The following COL12A1 variants were observed in gnomAD, a reference collection of about 807,000 sequenced individuals.
COL12A1 encodes the protein collagen alpha-1(XII) chain.
In COL12A1, 114 loss-of-function variants were observed where a neutral mutation model predicts 349.7. That is an observed-to-expected ratio of 0.33 (90% confidence interval 0.28 to 0.38). COL12A1 has a LOEUF of 0.38. COL12A1 is among the 10% of genes least tolerant of loss of function. COL12A1 has a pLI of 1.00. For synonymous variants in COL12A1, 1,369 were observed against 1,329.0 expected, an observed-to-expected ratio of 1.03 and a Z score of -0.66; for missense variants, 3,284 against 3,756.9, an observed-to-expected ratio of 0.87 and a Z score of 3.29.
At position 75,177,769 on chromosome 6, in the gene COL12A1, TCTC is replaced by T. The variant is rs775970450; in HGVS notation, c.2328_2330del (p.Arg777del). The T allele has an allele frequency of 3.7e-6, 6 of 1,613,958 alleles. No individual in the cohort carries two copies. The African/African-American group carries it at 6.7e-5, about 18-fold the overall frequency. On this transcript the variant is annotated inframe_deletion, in exon 12 of 66. Transcript: ENST00000322507. ...TGTCTGGAATCAAGTTCTCCAGTGT[TCTC>T]CTCCTCTGATTGGGTGGGGTGGTAA...
Position 75,089,112 on chromosome 6 carries a change from G to A in COL12A1, c.9004C>T (p.Pro3002Ser). Reference sequence around the variant, plus strand: ...AAAATACTAGCAAACCTACCTGGGGGGCCAGGCAGCCCCCGAGGTCCTGAA... The same window carrying A: ...AAAATACTAGCAAACCTACCTGGGGAGCCAGGCAGCCCCCGAGGTCCTGAA... ...GSSGPRGLPG[P>S]PGPQGESRTG... The change falls in exon 64 of 66, where the codon CCC (proline) becomes TCC (serine). Residue 3002 changes from proline (P) to serine (S), a missense_variant. Physicochemically the swap from Pro to Ser is moderately conservative, Grantham distance 74. Transcript: ENST00000322507. 6.2e-7 allele frequency: 1 copy of A among 1,610,648 alleles called. No homozygotes were observed. Among genetic ancestry groups the A allele is most frequent in the Admixed American group, 1.7e-5 (1 of 59,306 alleles).
In COL12A1 at chr6:75,119,421, G is replaced by A. The variant is rs752457445; in HGVS notation, c.7139C>T (p.Thr2380Met). The A allele has an allele frequency of 8.7e-6, 14 of 1,613,888 alleles. No individual in the cohort carries two copies. The highest frequency in any genetic ancestry group is 3.3e-5 in the Admixed American group (2 of 59,990). The change falls in exon 45 of 66, where the codon ACG (threonine) becomes ATG (methionine). Residue 2380 changes from threonine to methionine, a missense_variant. Thr to Met is a moderately conservative substitution (Grantham distance 81). Transcript: ENST00000322507. Reference sequence around the variant, plus strand: ...AAGGGCTAGGGCCTTGTCATTGTACGTGTTCAGCTTGAACTCAGACTTGAC... The same window carrying A: ...AAGGGCTAGGGCCTTGTCATTGTACATGTTCAGCTTGAACTCAGACTTGAC... ...DEVKSEFKLN[T>M]YNDKALALGA...
In COL12A1 at chr6:75,131,008, G is replaced by T. The variant is rs150116769; in HGVS notation, c.5938-27C>A. 213 of 1,613,756 alleles carry T rather than the reference G, an allele frequency of 1.3e-4. 2 individuals are homozygous for T. The African/African-American group carries it at 2.1e-3, about 16-fold the overall frequency. On this transcript the variant is annotated intron_variant, in intron 35 of 65. Coordinates refer to ENST00000322507, the MANE Select transcript of COL12A1 (RefSeq NM_004370.6). ...TGCAGGAGAGGAAATGCCAAATTCT[G>T]CCTGACAACAACTCAAATGCTTACC...
At chr6:75,095,000 CA>C (rs1767938302) in intron 60 of COL12A1, 107 bp downstream of exon 60, 1 of 989,628 alleles carries the variant, frequency 1.0e-6, no homozygotes, top group African/African-American at 1.7e-5. Context: ...ACAAATGCTT[CA>C]AACACATTAC....
chr6:75,115,442 C>G (rs2149360805), intron 49 of COL12A1, among the ~76,000 whole-genome samples: 1 of 152,240 alleles, frequency 6.6e-6, no homozygotes, highest in African/African-American at 2.4e-5. Flanking sequence ...TGCACTTATT[C>G]CATCCAGTAT....
At chr6:75,101,964 T>C (rs763760989) in intron 57 of COL12A1, 35 bp downstream of exon 57, 1 of 1,606,782 alleles carries the variant, frequency 6.2e-7, no homozygotes, top group Non-Finnish European at 8.5e-7. Context: ...AATTTTCAAA[T>C]AGCACATGAC....
chr6:75,183,971 C>T lies in COL12A1; in HGVS notation c.1171G>A (p.Val391Ile). 1 of 1,614,204 alleles carries T rather than the reference C, an allele frequency of 6.2e-7. No homozygotes were observed. The part of the protein sequence containing the change: ...SVGPQTTTLS[V>I]RDLSADTEYQ... Reference sequence around the variant, plus strand: ...TCTGTGTCTGCTGAGAGGTCGCGAACACTGAGCGTGGTTGTCTGAGGCCCC... The same window carrying T: ...TCTGTGTCTGCTGAGAGGTCGCGAATACTGAGCGTGGTTGTCTGAGGCCCC... The change falls in exon 9 of 66, where the codon GTT becomes ATT. Residue 391 changes from valine to isoleucine, a missense_variant. Val to Ile is a conservative substitution (Grantham distance 29). Transcript: ENST00000322507.
intron 10 of COL12A1, among the ~76,000 whole-genome samples, chr6:75,182,460 T>C (rs1477969995): frequency 6.6e-6 from 1 of 151,832 alleles, no homozygotes; most frequent in Non-Finnish European, 1.5e-5. Flanking sequence ...GAACATGCAG[T>C]GTTTGGTTTT....
At chr6:75,111,759 A>G (rs933162122) in intron 51 of COL12A1, among the ~76,000 whole-genome samples, 12 of 151,752 alleles carry the variant, frequency 7.9e-5, no homozygotes, top group African/African-American at 2.2e-4. Context: ...GCACTTCACT[A>G]TGGAGGTCTG....
Position 75,095,063 on chromosome 6 carries a change from C to T in COL12A1, c.8649+45G>A, listed in dbSNP as rs745863185. ...GCTTTGCAGTTCTCATTATTTATTT[C>T]CACGGTGAAACCACTGTCAGTAGAC... On this transcript the variant is annotated intron_variant, in intron 60 of 65. Coordinates refer to ENST00000322507, the MANE Select transcript of COL12A1 (RefSeq NM_004370.6). 3 of 1,548,082 alleles carry T rather than the reference C, an allele frequency of 1.9e-6. No individual in the cohort carries two copies. In the South Asian group the frequency reaches 3.4e-5, roughly 17 times the overall value.
At position 75,183,217 on chromosome 6, in the gene COL12A1, C is replaced by A. The variant is rs1178026424; in HGVS notation, c.1724G>T (p.Gly575Val). 6.2e-7 allele frequency: 1 copy of A among 1,614,178 alleles called. No homozygotes were observed. Residue 575 changes from glycine (G) to valine (V), a missense_variant, in exon 10 of 66, where the codon GGT (glycine) becomes GTT (valine). Coordinates refer to ENST00000322507, the MANE Select transcript of COL12A1 (RefSeq NM_004370.6). ...TTCTGAGCGAACGGCATCCTTCACA[C>A]CAACTGCAAAGATTTCAACATCTGA... The part of the protein sequence containing the change: ...RNSDVEIFAV[G>V]VKDAVRSELE...
chr6:75,185,354 G>A lies in COL12A1; in HGVS notation c.998-1210C>T, dbSNP rs544093868. ...TCAAGCTGAGAGCTAAATCAGGAAC[G>A]AAATCCCATTCACAATGGGAGTTGT... On this transcript the variant is annotated intron_variant, in intron 8 of 65. Coordinates refer to ENST00000322507, the MANE Select transcript of COL12A1 (RefSeq NM_004370.6). Among the ~76,000 whole-genome samples the A allele has an allele frequency of 1.6e-4, 25 of 152,234 alleles. No individual in the cohort carries two copies. In the South Asian group the frequency reaches 3.9e-3, roughly 24 times the overall value.
chr6:75,197,592 A>G (rs1770299875), intron 2 of COL12A1, among the ~76,000 whole-genome samples: 1 of 152,142 alleles, frequency 6.6e-6, no homozygotes, highest in Admixed American at 6.6e-5. Flanking sequence ...GATTGTAGGA[A>G]TAAGCCACTG....
Position 75,137,596 on chromosome 6 carries a change from G to C in COL12A1, c.5252-17C>G. ...TTTTGGGAGCTGAAAGAAGATTGTT[G>C]AAAAACTGAGTAAGCAGACAGAACA... On this transcript the variant is annotated splice_polypyrimidine_tract_variant and intron_variant, in intron 30 of 65. Coordinates refer to ENST00000322507, the MANE Select transcript of COL12A1 (RefSeq NM_004370.6). 1 of 1,613,084 alleles carries C rather than the reference G, an allele frequency of 6.2e-7. No individual in the cohort carries two copies.
Position 75,102,596 on chromosome 6 carries a change from C to A in COL12A1, c.8415+1G>T. ...TTAATACAGAAAGGCTTTGTGCTTA[C>A]TTGCTCTCCCGGAATAGAGAGTCCA... On this transcript the variant is annotated splice_donor_variant, in intron 56 of 65. Transcript: ENST00000322507. LOFTEE classifies it high-confidence loss of function. 1 of 1,532,560 alleles carries A rather than the reference C, an allele frequency of 6.5e-7. No homozygotes were observed. The highest frequency in any genetic ancestry group is 2.2e-5 in the Admixed American group (1 of 45,972). The allele number at this position is 1,532,560 out of a possible 1,614,324, so 94.9% of individuals were successfully genotyped here. A position where few individuals can be genotyped will look rare whatever the true frequency, so the allele number is the denominator to read the frequency against.
At chr6:75,098,894 A>C (rs993067195) in intron 58 of COL12A1, among the ~76,000 whole-genome samples, 8 of 152,096 alleles carry the variant, frequency 5.3e-5, no homozygotes, top group African/African-American at 1.7e-4. Flanking sequence ...CTCTCTGTAC[A>C]GTGCCAAATG....
At chr6:75,152,275 T>C (rs200064783) in intron 18 of COL12A1, 25 bp from the exon 19 acceptor site, 1 of 1,613,684 alleles carries the variant, frequency 6.2e-7, no homozygotes, top group Non-Finnish European at 8.5e-7. Context: ...CTGGCATTAG[T>C]GCATGTGAAA....
intron 26 of COL12A1, among the ~76,000 whole-genome samples, chr6:75,142,895 C>A (rs956778711): frequency 1.3e-5 from 2 of 152,190 alleles, no homozygotes; most frequent in Non-Finnish European, 2.9e-5. Context: ...ATTGCTGCAA[C>A]CTCTTGCTAC....
Position 75,086,566 on chromosome 6 carries a change from G to T in COL12A1, c.9182-9C>A. Reference sequence around the variant, plus strand: ...AATGTGTTAGCCGGAACCTGAAACAGGTCAAAGATGATAGTTTTTAAAAGT... The same window carrying T: ...AATGTGTTAGCCGGAACCTGAAACATGTCAAAGATGATAGTTTTTAAAAGT... On this transcript the variant is annotated splice_polypyrimidine_tract_variant and intron_variant, in intron 65 of 65. Transcript: ENST00000322507. 1.3e-6 allele frequency: 2 copies of T among 1,597,792 alleles called. No homozygotes were observed. The highest frequency in any genetic ancestry group is 2.3e-5 in the East Asian group (1 of 44,020).
Sources: allele counts gnomAD v4.1 joint callset (sites outside exome capture counted in the v4.1 genomes callset), GRCh38; gene constraint gnomAD v4.1.1; transcripts MANE v1.5; gene names NCBI Gene and HGNC (gene_info 2026-07-23, HGNC 2026-07-21).